Variants in TESK2 observed in about 807,000 individuals in gnomAD.
The protein encoded by TESK2 is testis associated actin remodelling kinase 2.
In TESK2, 39 loss-of-function variants were observed where a neutral mutation model predicts 57.1. That is an observed-to-expected ratio of 0.68 (90% CI 0.53 to 0.89). The LOEUF (loss-of-function observed/expected upper bound fraction) is 0.89, where lower values mean the gene tolerates loss of function less well. Among genes scored for constraint, TESK2 ranks in the 40% least tolerant of loss-of-function variants. TESK2 has a pLI of 0.00. For missense variants in TESK2, 646 were observed against 732.1 expected (o/e 0.88, Z 1.36); for synonymous variants, 249 against 267.9 (o/e 0.93, Z 0.69).
chr1:45,486,992 T>G (rs1292685167), intron 1 of TESK2, among the ~76,000 whole-genome samples: 1 of 151,624 alleles, frequency 6.6e-6, no homozygotes, highest in Non-Finnish European at 1.5e-5. Context: ...CCAGCTAATT[T>G]TTGTATTTTT....
At chr1:45,461,932 C>T (rs1294641234) in intron 1 of TESK2, among the ~76,000 whole-genome samples, 1 of 152,212 alleles carries the variant, frequency 6.6e-6, no homozygotes, top group African/African-American at 2.4e-5. Context: ...GTGTTACAAA[C>T]ATTCCAATCG....
At chr1:45,352,122 C>T (rs1195802550) in intron 5 of TESK2, among the ~76,000 whole-genome samples, 1 of 152,190 alleles carries the variant, frequency 6.6e-6, no homozygotes, top group Non-Finnish European at 1.5e-5. Context: ...GACGGTATCT[C>T]AAATTGGACA....
chr1:45,463,132 T>G (rs1327671564), intron 1 of TESK2, among the ~76,000 whole-genome samples: 1 of 152,220 alleles, frequency 6.6e-6, no homozygotes, highest in Non-Finnish European at 1.5e-5. Context: ...TTCTGGTTAT[T>G]AATTCTTTGT....
rs752113384 is a variant in TESK2 at position 45,345,289 on chromosome 1, C to T, written c.1267G>A (p.Val423Ile). ...TCCAGGTCAAATACCAGAGAGATGACAGACTTGCTGGGCAGGTCAAAAAAC... is the reference window on the plus strand; with the variant it reads ...TCCAGGTCAAATACCAGAGAGATGATAGACTTGCTGGGCAGGTCAAAAAAC... ...IKFFDLPSKS[V>I]ISLVFDLDAP... The change falls in exon 11 of 11, where the codon GTC becomes ATC. Residue 423 changes from valine to isoleucine, a missense_variant. Physicochemically the swap from Val to Ile is conservative, Grantham distance 29. Coordinates refer to ENST00000372086, the MANE Select transcript of TESK2 (RefSeq NM_007170.3). 2 of 1,614,200 alleles carry T rather than the reference C, an allele frequency of 1.2e-6. No homozygotes were observed. The highest frequency in any genetic ancestry group is 8.5e-7 in the Non-Finnish European group (1 of 1,180,040).
chr1:45,489,651 G>A (rs1314188954), intron 1 of TESK2, among the ~76,000 whole-genome samples: 3 of 152,184 alleles, frequency 2.0e-5, no homozygotes, highest in African/African-American at 7.2e-5. Context: ...TTAGCCGGAC[G>A]TGGTGGCGCA....
intron 2 of TESK2, among the ~76,000 whole-genome samples, chr1:45,444,895 G>A (rs1651587810): frequency 6.6e-6 from 1 of 151,708 alleles, no homozygotes; most frequent in Non-Finnish European, 1.5e-5. Flanking sequence ...CTTGCTTGGG[G>A]ATGAAACTGC....
intron 4 of TESK2, among the ~76,000 whole-genome samples, chr1:45,360,051 T>A (rs1164819613): frequency 6.6e-6 from 1 of 152,132 alleles, no homozygotes. Context: ...TAAAAATAAA[T>A]CTTCCAACTT....
chr1:45,377,959 G>A (rs923588760), intron 4 of TESK2, among the ~76,000 whole-genome samples: 5 of 151,856 alleles, frequency 3.3e-5, no homozygotes, highest in Non-Finnish European at 7.4e-5. Flanking sequence ...CTGGGAGGTG[G>A]AGGTTGCAGT....
intron 4 of TESK2, among the ~76,000 whole-genome samples, chr1:45,371,992 C>T (rs1025591446): frequency 1.3e-5 from 2 of 151,982 alleles, no homozygotes; most frequent in African/African-American, 4.8e-5. Context: ...TGGCTCACTT[C>T]TATACTCCCA....
At chr1:45,361,830 C>T (rs1647700147) in intron 4 of TESK2, among the ~76,000 whole-genome samples, 1 of 152,122 alleles carries the variant, frequency 6.6e-6, no homozygotes, top group Non-Finnish European at 1.5e-5. Flanking sequence ...CTGCCACTTC[C>T]ATATGAGAGT....
At chr1:45,434,901 C>T (rs1224428656) in intron 2 of TESK2, among the ~76,000 whole-genome samples, 2 of 151,328 alleles carry the variant, frequency 1.3e-5, no homozygotes, top group African/African-American at 4.9e-5. Flanking sequence ...GAGGTCTTTG[C>T]CATAAAATCT....
intron 1 of TESK2, among the ~76,000 whole-genome samples, chr1:45,467,943 G>T (rs1453954438): frequency 1.3e-5 from 2 of 151,986 alleles, no homozygotes; most frequent in African/African-American, 2.4e-5. Flanking sequence ...TAGAGGCTCA[G>T]GCAGGATGAC....
rs768380343 is a variant in TESK2 at position 45,355,427 on chromosome 1, T to A, written c.416A>T (p.Glu139Val). The A allele has an allele frequency of 6.2e-6, 10 of 1,610,772 alleles. No individual in the cohort carries two copies. Among genetic ancestry groups the A allele is most frequent in the Non-Finnish European group, 8.5e-6 (10 of 1,179,014 alleles). The change falls in exon 5 of 11, where the codon GAA (glutamate) becomes GTA (valine). Residue 139 changes from glutamate (E) to valine (V), a missense_variant. Coordinates refer to ENST00000372086, the MANE Select transcript of TESK2 (RefSeq NM_007170.3). ...ATGCAGGTTACTGTCTAGCAACTGT[T>A]CCAGGTTCCCGGAGTTGATATACTG... ...LTEYINSGNL[E>V]QLLDSNLHLP...
intron 2 of TESK2, among the ~76,000 whole-genome samples, chr1:45,450,070 T>C (rs1307418212): frequency 6.6e-6 from 1 of 152,194 alleles, no homozygotes; most frequent in Non-Finnish European, 1.5e-5. Context: ...AGTCAAAAGA[T>C]GTTAACATAA....
At chr1:45,378,463 G>C (rs1190057522) in intron 4 of TESK2, among the ~76,000 whole-genome samples, 2 of 152,178 alleles carry the variant, frequency 1.3e-5, no homozygotes, top group Non-Finnish European at 2.9e-5. Context: ...CATGCTGTGG[G>C]AAGCCTAAGC....
chr1:45,428,816 ATTTTTTTTT>A (rs71052876), intron 2 of TESK2, among the ~76,000 whole-genome samples: 1 of 82,592 alleles, frequency 1.2e-5, no homozygotes, highest in East Asian at 3.5e-4. Flanking sequence ...TAAATTCCTG[ATTTTTTTTT>A]TTTTTTTTTT....
intron 2 of TESK2, among the ~76,000 whole-genome samples, chr1:45,445,312 G>GCT (rs998979176): frequency 4.6e-5 from 7 of 152,016 alleles, no homozygotes; most frequent in Admixed American, 4.6e-4. Flanking sequence ...TTGAGAAATA[G>GCT]CTCTCATTCT....
chr1:45,462,040 T>G (rs1024588910), intron 1 of TESK2, among the ~76,000 whole-genome samples: 1 of 152,182 alleles, frequency 6.6e-6, no homozygotes, highest in East Asian at 1.9e-4. Context: ...TCTATCTAAC[T>G]ATATTATTGT....
intron 4 of TESK2, among the ~76,000 whole-genome samples, chr1:45,384,348 T>C (rs973529483): frequency 3.3e-5 from 5 of 151,018 alleles, no homozygotes; most frequent in African/African-American, 4.9e-5. Context: ...TGTATGTATG[T>C]ATGTATGTAC....
Sources: gnomAD v4.1 joint callset for allele counts (sites outside exome capture counted in the v4.1 genomes callset) on GRCh38, gnomAD v4.1.1 for gene constraint, MANE v1.5 for transcripts, NCBI Gene and HGNC (gene_info 2026-07-23, HGNC 2026-07-21) for gene names.